PAMR1: variants seen among roughly 807,000 people sequenced by gnomAD.
PAMR1 encodes inactive serine protease PAMR1.
In PAMR1, 88 loss-of-function variants were observed where a neutral mutation model predicts 81.8. The ratio of observed to expected loss-of-function variants is 1.08; its 90% CI spans 0.91 to 1.28. The LOEUF (loss-of-function observed/expected upper bound fraction) is 1.28. PAMR1 is among the 50% of genes most tolerant of loss of function. The probability of loss-of-function intolerance (pLI) is 0.00; values close to 1 mark genes in which losing one functional copy is unlikely to be tolerated. For synonymous variants in PAMR1, 336 were observed against 345.3 expected, an observed-to-expected ratio of 0.97 and a Z score of 0.30; for missense variants, 935 against 919.7, an observed-to-expected ratio of 1.02 and a Z score of -0.21.
At chr11:35,493,703 C>T (rs972739414) in intron 2 of PAMR1, among the ~76,000 whole-genome samples, 1 of 152,132 alleles carries the variant, frequency 6.6e-6, no homozygotes, top group African/African-American at 2.4e-5. Flanking sequence ...GCCATAGTAC[C>T]CCATGCTTCT....
rs1480668440 is a variant in PAMR1 at position 35,512,917 on chromosome 11, G to C, written c.73+12596C>G. On this transcript the variant is annotated intron_variant, in intron 1 of 10. Transcript: ENST00000619888. ...GAGGTGAAAGAATCGCATGAGCCTG[G>C]GAGGTCGAGGCTGCAGTGAGTTGTG... 2.0e-5 allele frequency among the ~76,000 whole-genome samples: 3 copies of C among 152,180 alleles called. No homozygotes were observed. In the East Asian group the frequency reaches 5.8e-4, roughly 29 times the overall value.
intron 1 of PAMR1, among the ~76,000 whole-genome samples, chr11:35,512,584 C>A (rs186078946): frequency 6.6e-6 from 1 of 152,286 alleles, no homozygotes; most frequent in African/African-American, 2.4e-5. Flanking sequence ...CCAGCTCCAC[C>A]AGTTCCCAGG....
intron 1 of PAMR1, among the ~76,000 whole-genome samples, chr11:35,504,047 T>A (rs772738389): frequency 1.7e-4 from 26 of 152,290 alleles, no homozygotes; most frequent in African/African-American, 6.0e-4. Context: ...ACTATGTTCT[T>A]TCTATGCCTA....
At position 35,434,620 on chromosome 11, in the gene PAMR1, AAC is replaced by A; in HGVS notation, c.1516_1517del (p.Val506TyrfsTer2). 6.2e-7 allele frequency: 1 copy of A among 1,614,098 alleles called. No individual in the cohort carries two copies. Among genetic ancestry groups the A allele is most frequent in the Non-Finnish European group, 8.5e-7 (1 of 1,180,012 alleles). Reference sequence around the variant, plus strand: ...TCATGGTGACCTTCCCCAGGTCAGTAACACAGTGGGCAGCCACCACCACAGTG... The same window carrying A: ...TCATGGTGACCTTCCCCAGGTCAGTAACAGTGGGCAGCCACCACCACAGTG... ...ERTVVVAAHC[V>X]TDLGKVTMIK... On this transcript the variant is annotated frameshift_variant, in exon 10 of 11. Coordinates refer to ENST00000619888, the MANE Select transcript of PAMR1 (RefSeq NM_001001991.3). LOFTEE classifies it high-confidence loss of function.
intron 6 of PAMR1, among the ~76,000 whole-genome samples, chr11:35,462,190 T>C (rs1344429714): frequency 6.6e-6 from 1 of 152,178 alleles, no homozygotes; most frequent in Non-Finnish European, 1.5e-5. Flanking sequence ...GCTGGCCAGA[T>C]AACATGATGC....
chr11:35,501,051 C>A (rs1473038472), intron 1 of PAMR1, among the ~76,000 whole-genome samples: 2 of 152,062 alleles, frequency 1.3e-5, no homozygotes, highest in Non-Finnish European at 2.9e-5. Flanking sequence ...TTAGCCCACA[C>A]TCAATTTATC....
intron 1 of PAMR1, among the ~76,000 whole-genome samples, chr11:35,507,038 A>ATT (rs1850973617): frequency 3.9e-5 from 2 of 50,700 alleles, no homozygotes; most frequent in Non-Finnish European, 6.8e-5. Flanking sequence ...AAATAGCCTG[A>ATT]CTTTTTTTTT....
rs761934482 is a variant in PAMR1, at chr11:35,459,689, T to A, written c.820+8312A>T. The stretch of plus-strand genomic sequence containing the variant: ...CCCAGTTCCTGGCATACTGGAAGCA[T>A]GTAATAACTTTCATCATCACCATCA... On this transcript the variant is annotated intron_variant, in intron 6 of 10. Transcript: ENST00000619888. Among the ~76,000 whole-genome samples the A allele has an allele frequency of 2.6e-5, 4 of 152,310 alleles. No homozygotes were observed. The East Asian group carries it at 7.7e-4, about 29-fold the overall frequency.
intron 6 of PAMR1, among the ~76,000 whole-genome samples, chr11:35,443,527 A>G (rs1856224928): frequency 6.6e-6 from 1 of 152,170 alleles, no homozygotes; most frequent in African/African-American, 2.4e-5. Flanking sequence ...TGTCCCTGCA[A>G]TGGATATGAT....
intron 1 of PAMR1, among the ~76,000 whole-genome samples, chr11:35,511,140 G>T (rs540064287): frequency 1.3e-5 from 2 of 152,198 alleles, no homozygotes; most frequent in Non-Finnish European, 2.9e-5. Context: ...GTGAAAGAAA[G>T]CTGTCATAAT....
Position 35,508,179 on chromosome 11 carries a change from T to A in PAMR1, c.74-13907A>T, listed in dbSNP as rs7939860. The stretch of plus-strand genomic sequence containing the variant: ...CTGTGCACTTTGAGGCAGGAAAGGA[T>A]CTCTTGTCAAAGAACCCAAGATGGT... On this transcript the variant is annotated intron_variant, in intron 1 of 10. Transcript: ENST00000619888. 4.9e-3 allele frequency among the ~76,000 whole-genome samples: 751 copies of A among 152,276 alleles called. 7 individuals are homozygous for A. The highest frequency in any genetic ancestry group is 0.017 in the African/African-American group (713 of 41,538).
At chr11:35,499,341 GCCC>G (rs1850787272) in intron 1 of PAMR1, among the ~76,000 whole-genome samples, 1 of 152,148 alleles carries the variant, frequency 6.6e-6, no homozygotes, top group Non-Finnish European at 1.5e-5. Context: ...CAGCGAATAT[GCCC>G]ATGGGGTGTG....
At chr11:35,449,603 T>TG (rs1856369792) in intron 6 of PAMR1, among the ~76,000 whole-genome samples, 1 of 152,214 alleles carries the variant, frequency 6.6e-6, no homozygotes, top group Admixed American at 6.5e-5. Flanking sequence ...ACCGCAGTGA[T>TG]GGCTGCCTCC....
intron 3 of PAMR1, among the ~76,000 whole-genome samples, chr11:35,480,052 T>C (rs939229262): frequency 6.6e-6 from 1 of 152,172 alleles, no homozygotes; most frequent in Non-Finnish European, 1.5e-5. Context: ...GTTTATTGAA[T>C]TGTCTGCCTC....
In PAMR1 at chr11:35,470,805, T is replaced by C. The variant is rs767493601; in HGVS notation, c.508A>G (p.Ser170Gly). 1 of 1,613,636 alleles carries C rather than the reference T, an allele frequency of 6.2e-7. No individual in the cohort carries two copies. The highest frequency in any genetic ancestry group is 1.1e-5 in the South Asian group (1 of 91,052). The change falls in exon 5 of 11, where the codon AGC becomes GGC. Residue 170 changes from serine (S) to glycine (G), a missense_variant. Transcript: ENST00000619888. ...FVIQLRFVML[S>G]LEFDYMCQYD... ...TGGCACATGTAGTCAAACTCCAGGC[T>C]CAACATGACAAATCTGTGGGTGGAC... is the stretch of plus-strand genomic sequence containing the variant.
intron 1 of PAMR1, among the ~76,000 whole-genome samples, chr11:35,510,796 T>C (rs1300772485): frequency 1.3e-5 from 2 of 152,230 alleles, no homozygotes; most frequent in Non-Finnish European, 2.9e-5. Flanking sequence ...TGCATAATTA[T>C]TCTATGTGTG....
At chr11:35,497,496 G>A (rs966108011) in intron 1 of PAMR1, among the ~76,000 whole-genome samples, 3 of 152,146 alleles carry the variant, frequency 2.0e-5, no homozygotes, top group Non-Finnish European at 2.9e-5. Flanking sequence ...ACAGGTGATG[G>A]TTGCACAATC....
intron 1 of PAMR1, among the ~76,000 whole-genome samples, chr11:35,522,965 C>T (rs1027939604): frequency 6.6e-6 from 1 of 152,218 alleles, no homozygotes; most frequent in Admixed American, 6.5e-5. Context: ...TTGAGGGACT[C>T]ATACTAAAAT....
At chr11:35,520,382 G>T (rs1851249165) in intron 1 of PAMR1, among the ~76,000 whole-genome samples, 1 of 152,174 alleles carries the variant, frequency 6.6e-6, no homozygotes, top group South Asian at 2.1e-4. Context: ...TCTGTTTACA[G>T]GTATGAGATC....
Sources: gnomAD v4.1 joint callset for allele counts (sites outside exome capture counted in the v4.1 genomes callset) on GRCh38, gnomAD v4.1.1 for gene constraint, MANE v1.5 for transcripts, NCBI Gene and HGNC (gene_info 2026-07-23, HGNC 2026-07-21) for gene names.